Variants in CSMD2 observed in about 807,000 individuals in gnomAD.
CSMD2 encodes the protein CUB and sushi domain-containing protein 2.
CSMD2 carries 130 observed loss-of-function variants against 398.5 expected under a neutral mutation model. The ratio of observed to expected loss-of-function variants is 0.33; its 90% CI spans 0.28 to 0.38. The LOEUF (loss-of-function observed/expected upper bound fraction) is 0.38. CSMD2 is among the 10% of genes least tolerant of loss of function. CSMD2 has a pLI of 1.00. For missense variants in CSMD2, 3,829 were observed against 4,764.9 expected (o/e 0.80, Z 5.78); for synonymous variants, 1,828 against 1,908.5 (o/e 0.96, Z 1.10).
At chr1:33,650,172 T>G (rs1490597166) in intron 28 of CSMD2, among the ~76,000 whole-genome samples, 1 of 152,200 alleles carries the variant, frequency 6.6e-6, no homozygotes, top group Non-Finnish European at 1.5e-5. Context: ...TTGAGCACCC[T>G]CGATATTCCA....
chr1:34,064,813 T>C (rs915128604), intron 2 of CSMD2, among the ~76,000 whole-genome samples: 2 of 152,162 alleles, frequency 1.3e-5, no homozygotes, highest in Admixed American at 6.5e-5. Context: ...AGAGGTTTAA[T>C]TGGACTTACA....
intron 1 of CSMD2, among the ~76,000 whole-genome samples, chr1:34,120,086 A>G (rs1662015348): frequency 6.6e-6 from 1 of 152,208 alleles, no homozygotes; most frequent in Non-Finnish European, 1.5e-5. Context: ...ATATTACTCC[A>G]CCTTTAAAAA....
chr1:33,891,485 G>A (rs1642014813), intron 5 of CSMD2, among the ~76,000 whole-genome samples: 1 of 151,674 alleles, frequency 6.6e-6, no homozygotes, highest in East Asian at 1.9e-4. Flanking sequence ...GTGGAAGTCA[G>A]TGTGGCGATT....
At chr1:34,059,859 T>C (rs1021298971) in intron 2 of CSMD2, among the ~76,000 whole-genome samples, 3 of 152,220 alleles carry the variant, frequency 2.0e-5, no homozygotes, top group African/African-American at 7.2e-5. Context: ...GCTGAATCCC[T>C]GTCAACCACC....
At chr1:34,068,334 C>A (rs1418874976) in intron 2 of CSMD2, among the ~76,000 whole-genome samples, 1 of 152,184 alleles carries the variant, frequency 6.6e-6, no homozygotes, top group Non-Finnish European at 1.5e-5. Flanking sequence ...AAACTTTTCT[C>A]TTTTCTTTTA....
intron 3 of CSMD2, among the ~76,000 whole-genome samples, chr1:33,989,654 AAATG>A (rs756195206): frequency 5.9e-5 from 9 of 152,248 alleles, no homozygotes; most frequent in Non-Finnish European, 1.2e-4. Flanking sequence ...GCAGTAAAAA[AAATG>A]AATGAACTCC....
At chr1:34,139,864 G>A (rs1639106441) in intron 1 of CSMD2, among the ~76,000 whole-genome samples, 1 of 152,212 alleles carries the variant, frequency 6.6e-6, no homozygotes, top group African/African-American at 2.4e-5. Context: ...AAAGCTGTGA[G>A]ATTCATGGGT....
intron 2 of CSMD2, among the ~76,000 whole-genome samples, chr1:34,069,561 G>C (rs1655494066): frequency 6.6e-6 from 1 of 152,170 alleles, no homozygotes; most frequent in Admixed American, 6.5e-5. Flanking sequence ...TTCAACCCCA[G>C]GAGTGCCTGA....
At chr1:34,135,054 T>C (rs1310906645) in intron 1 of CSMD2, among the ~76,000 whole-genome samples, 1 of 152,170 alleles carries the variant, frequency 6.6e-6, no homozygotes, top group Non-Finnish European at 1.5e-5. Flanking sequence ...CAGAAACTCC[T>C]GGGCCAAGCA....
chr1:34,051,640 A>G (rs1392875446), intron 2 of CSMD2, among the ~76,000 whole-genome samples: 2 of 152,040 alleles, frequency 1.3e-5, no homozygotes, highest in African/African-American at 4.8e-5. Context: ...TATCAGGAAG[A>G]GTAAACACCA....
chr1:33,865,584 T>C (rs911220115), intron 5 of CSMD2, among the ~76,000 whole-genome samples: 1 of 152,242 alleles, frequency 6.6e-6, no homozygotes, highest in South Asian at 2.1e-4. Context: ...GTGGTGGGCA[T>C]GTGACCCAAG....
At chr1:33,707,993 G>A (rs1645862020) in intron 22 of CSMD2, among the ~76,000 whole-genome samples, 1 of 152,158 alleles carries the variant, frequency 6.6e-6, no homozygotes, top group Non-Finnish European at 1.5e-5. Flanking sequence ...GAATGAAAAT[G>A]AACATGCTTT....
chr1:33,594,918 C>A (rs1639737963), intron 44 of CSMD2, among the ~76,000 whole-genome samples: 1 of 152,180 alleles, frequency 6.6e-6, no homozygotes, highest in Non-Finnish European at 1.5e-5. Context: ...GTACAAAAAT[C>A]TTTTTCCATG....
At chr1:34,091,630 C>T (rs1451829769) in intron 1 of CSMD2, among the ~76,000 whole-genome samples, 4 of 151,324 alleles carry the variant, frequency 2.6e-5, no homozygotes, top group South Asian at 2.1e-4. Context: ...TCTCTTAACA[C>T]GAAGTATCCC....
chr1:33,661,891 GC>G (rs1644148160), intron 26 of CSMD2, among the ~76,000 whole-genome samples: 1 of 152,122 alleles, frequency 6.6e-6, no homozygotes, highest in African/African-American at 2.4e-5. Context: ...CGGCACAGGT[GC>G]CACAAGAAAT....
chr1:34,065,892 A>G (rs1438996643), intron 2 of CSMD2, among the ~76,000 whole-genome samples: 1 of 152,146 alleles, frequency 6.6e-6, no homozygotes, highest in Non-Finnish European at 1.5e-5. Flanking sequence ...ATTATGGGAG[A>G]GAGTCCCTGG....
chr1:33,631,126 AC>A (rs1642443136), intron 32 of CSMD2, among the ~76,000 whole-genome samples: 1 of 152,082 alleles, frequency 6.6e-6, no homozygotes, highest in African/African-American at 2.4e-5. Flanking sequence ...ATTAAAAAAA[AC>A]CCACAAAAAC....
chr1:34,004,749 C>G (rs891797962), intron 3 of CSMD2, among the ~76,000 whole-genome samples: 1 of 152,016 alleles, frequency 6.6e-6, no homozygotes, highest in African/African-American at 2.4e-5. Flanking sequence ...AACGAGATGG[C>G]CTGAGGTAGG....
At chr1:33,963,689 C>T (rs971143720) in intron 3 of CSMD2, among the ~76,000 whole-genome samples, 38 of 152,204 alleles carry the variant, frequency 2.5e-4, no homozygotes, top group African/African-American at 7.7e-4. Context: ...TGACTTCTTC[C>T]ACTCAGGATA....
Sources: allele counts gnomAD v4.1 joint callset (sites outside exome capture counted in the v4.1 genomes callset), GRCh38; gene constraint gnomAD v4.1.1; transcripts MANE v1.5; gene names NCBI Gene and HGNC (gene_info 2026-07-23, HGNC 2026-07-21).